The following NFS1 variants were observed in gnomAD, a reference collection of about 807,000 sequenced individuals.
NFS1 encodes the protein cysteine desulfurase.
In NFS1, 26 loss-of-function variants were observed where a neutral mutation model predicts 57.3. The ratio of observed to expected loss-of-function variants is 0.45; its 90% CI spans 0.33 to 0.63. The LOEUF (loss-of-function observed/expected upper bound fraction) is 0.63, where lower values mean the gene tolerates loss of function less well. Ranked by LOEUF, NFS1 falls within the 20% of genes least tolerant of loss-of-function variation. The probability of loss-of-function intolerance (pLI) is 0.02; values close to 1 mark genes in which losing one functional copy is unlikely to be tolerated. For synonymous variants in NFS1, 209 were observed against 216.3 expected (o/e 0.97, Z 0.30); for missense variants, 505 against 605.8 (o/e 0.83, Z 1.75).
chr20:35,680,673 C>G (rs1021032304), intron 7 of NFS1, 64 bp downstream of exon 7: 102 of 1,355,850 alleles, frequency 7.5e-5, no homozygotes, highest in Non-Finnish European at 9.4e-5. Context: ...ATGACTGTGA[C>G]AAACATCTAT....
At chr20:35,695,217 G>A (rs563143232) in intron 4 of NFS1, among the ~76,000 whole-genome samples, 1 of 152,144 alleles carries the variant, frequency 6.6e-6, no homozygotes, top group Non-Finnish European at 1.5e-5. Flanking sequence ...CCTTCACCCC[G>A]ACTCTCTGGT....
chr20:35,683,222 G>A (rs1365916699), intron 5 of NFS1, among the ~76,000 whole-genome samples: 4 of 152,060 alleles, frequency 2.6e-5, no homozygotes, highest in Non-Finnish European at 4.4e-5. Context: ...GGTGGCTCAC[G>A]AATGTAATCC....
intron 4 of NFS1, among the ~76,000 whole-genome samples, chr20:35,695,899 G>A (rs1316817280): frequency 6.6e-6 from 1 of 152,092 alleles, no homozygotes; most frequent in Non-Finnish European, 1.5e-5. Flanking sequence ...AATTAGTTGG[G>A]CATGGTGGCG....
intron 4 of NFS1, among the ~76,000 whole-genome samples, chr20:35,693,723 G>A (rs2035082731): frequency 6.6e-6 from 1 of 152,126 alleles, no homozygotes; most frequent in Non-Finnish European, 1.5e-5. Context: ...CAGCACTTCG[G>A]TTGGCCAAGG....
Position 35,668,475 on chromosome 20 carries a change from T to C in NFS1, c.*1147A>G, listed in dbSNP as rs1156304629. On this transcript the variant is annotated 3_prime_UTR_variant, in exon 13 of 13. Transcript: ENST00000374092. ...CACAAATGAAAAGCTCTAGTTACAA[T>C]GGCCTTCTCTTGGTTTCTAAAGTAT... 1 of 152,250 alleles carries C rather than the reference T, an allele frequency of 6.6e-6. No individual in the cohort carries two copies. Among genetic ancestry groups the C allele is most frequent in the Non-Finnish European group, 1.5e-5 (1 of 68,048 alleles). 9.4% of individuals were successfully genotyped at this position (152,250 alleles called of 1,614,324 possible). A position where few individuals can be genotyped will look rare whatever the true frequency, so the allele number is the denominator to read the frequency against.
At chr20:35,673,057 G>A (rs1255246426) in intron 11 of NFS1, among the ~76,000 whole-genome samples, 3 of 152,290 alleles carry the variant, frequency 2.0e-5, no homozygotes, top group Non-Finnish European at 4.4e-5. Flanking sequence ...GGAGGCCAAG[G>A]TGGACAGATC....
chr20:35,674,685 C>T, intron 8 of NFS1, 68 bp from the exon 9 acceptor site: 1 of 1,236,344 alleles, frequency 8.1e-7, no homozygotes, highest in Non-Finnish European at 1.2e-6. Context: ...TTTGAGAAGC[C>T]CTTCTCCTAT....
At position 35,696,450 on chromosome 20, in the gene NFS1, G is replaced by A. The variant is rs1359253893; in HGVS notation, c.335C>T (p.Ser112Phe). 6.2e-7 allele frequency: 1 copy of A among 1,613,652 alleles called. No individual in the cohort carries two copies. Among genetic ancestry groups the A allele is most frequent in the East Asian group, 2.2e-5 (1 of 44,878 alleles). ...CTCACGAGGATCAGCTCCAATCAGA[G>A]ATGCTACTTGCTGCAAGCCAAGAAA... ...AMERARQQVA[S>F]LIGADPREII... The change falls in exon 4 of 13, where the codon TCT (serine) becomes TTT (phenylalanine). Residue 112 changes from serine to phenylalanine, a missense_variant. Transcript: ENST00000374092.
chr20:35,678,212 G>C (rs976586500), intron 7 of NFS1, among the ~76,000 whole-genome samples: 1 of 151,598 alleles, frequency 6.6e-6, no homozygotes, highest in African/African-American at 2.4e-5. Flanking sequence ...AAAATTAGCC[G>C]GGCGTGGTGG....
At chr20:35,692,569 G>A (rs974729954) in intron 4 of NFS1, among the ~76,000 whole-genome samples, 5 of 147,452 alleles carry the variant, frequency 3.4e-5, no homozygotes, top group African/African-American at 5.0e-5. Flanking sequence ...TTAGCCTGGC[G>A]TGGTGGTACA....
chr20:35,682,779 CAA>C (rs1430151155), intron 5 of NFS1: 25 of 121,528 alleles, frequency 2.1e-4, no homozygotes, highest in East Asian at 4.9e-4. Flanking sequence ...GACTCTGCCT[CAA>C]AAAAAAAAAA....
At chr20:35,679,407 C>T (rs1021421079) in intron 7 of NFS1, among the ~76,000 whole-genome samples, 1 of 152,126 alleles carries the variant, frequency 6.6e-6, no homozygotes, top group African/African-American at 2.4e-5. Flanking sequence ...TGGTCTTGAA[C>T]TCCTGACCTC....
At position 35,674,046 on chromosome 20, in the gene NFS1, C is replaced by T. The variant is rs949720286; in HGVS notation, c.1136+304G>A. ...GAAGGGCAGCCAAACACTTAGTGGC[C>T]TTTGGAGCATCTTCAATTCTAGAGG... On this transcript the variant is annotated intron_variant, in intron 10 of 12. Coordinates refer to ENST00000374092, the MANE Select transcript of NFS1 (RefSeq NM_021100.5). 4 of 465,418 alleles carry T rather than the reference C, an allele frequency of 8.6e-6. No homozygotes were observed. In the South Asian group the frequency reaches 8.9e-5, roughly 10 times the overall value. 28.8% of individuals were successfully genotyped at this position (465,418 alleles called of 1,614,324 possible).
intron 4 of NFS1, among the ~76,000 whole-genome samples, 177 bp downstream of exon 4, chr20:35,696,200 A>G (rs1248814771): frequency 6.6e-6 from 1 of 152,218 alleles, no homozygotes; most frequent in African/African-American, 2.4e-5. Context: ...AAGACTTAAG[A>G]AAGAGTAGAC....
At chr20:35,685,690 C>G (rs1367093859) in intron 5 of NFS1, among the ~76,000 whole-genome samples, 1 of 149,100 alleles carries the variant, frequency 6.7e-6, no homozygotes, top group Non-Finnish European at 1.5e-5. Flanking sequence ...GAAACCCCAT[C>G]TCTACTAAAA....
intron 7 of NFS1, among the ~76,000 whole-genome samples, chr20:35,679,092 C>T (rs914202783): frequency 6.6e-6 from 1 of 152,162 alleles, no homozygotes; most frequent in Non-Finnish European, 1.5e-5. Context: ...CACCTGTACA[C>T]ATGTAAGTGT....
chr20:35,695,176 A>G (rs1440606530), intron 4 of NFS1, among the ~76,000 whole-genome samples: 2 of 152,182 alleles, frequency 1.3e-5, no homozygotes, highest in Non-Finnish European at 2.9e-5. Context: ...AATGCTCTCC[A>G]TTTCAGAAAC....
intron 12 of NFS1, 84 bp downstream of exon 12, chr20:35,672,671 G>A (rs2146410953): frequency 2.2e-6 from 2 of 928,122 alleles, no homozygotes; most frequent in Non-Finnish European, 3.5e-6. Context: ...CTTTGGTTTT[G>A]GCAGTGTAAA....
At chr20:35,677,919 T>A (rs533712950) in intron 7 of NFS1, among the ~76,000 whole-genome samples, 1 of 152,208 alleles carries the variant, frequency 6.6e-6, no homozygotes, top group African/African-American at 2.4e-5. Context: ...GTTTTAAAAA[T>A]TAGCCAGGCA....
Sources: allele counts gnomAD v4.1 joint callset (sites outside exome capture counted in the v4.1 genomes callset), GRCh38; gene constraint gnomAD v4.1.1; transcripts MANE v1.5; gene names NCBI Gene and HGNC (gene_info 2026-07-23, HGNC 2026-07-21).